The following PPIG variants were observed in gnomAD, a reference collection of about 807,000 sequenced individuals.
PPIG encodes peptidyl-prolyl cis-trans isomerase G.
A neutral mutation model predicts 87.9 loss-of-function variants in PPIG; 26 were observed. The observed-to-expected ratio is 0.30, with a 90% CI of 0.22 to 0.41. PPIG has a LOEUF of 0.41. Among genes scored for constraint, PPIG ranks in the 10% least tolerant of loss-of-function variants. The pLI is 1.00. For missense variants in PPIG, 722 were observed against 879.4 expected (o/e 0.82, Z 2.26); for synonymous variants, 308 against 276.5 (o/e 1.11, Z -1.13).
rs370807205 is a variant in PPIG, at chr2:169,595,929, C to T, written c.-69-7713C>T. Reference sequence around the variant, plus strand: ...AGCGATTCTCCTGCCTCAGCCTTCCCGAGTAGCTGGGATTACAGGCGTGTG... The same window carrying T: ...AGCGATTCTCCTGCCTCAGCCTTCCTGAGTAGCTGGGATTACAGGCGTGTG... On this transcript the variant is annotated intron_variant, in intron 1 of 13. Transcript: ENST00000260970. Among the ~76,000 whole-genome samples, 49 of 149,210 alleles carry T rather than the reference C, an allele frequency of 3.3e-4. 1 individual carries two copies. In the South Asian group the frequency reaches 9.0e-3, roughly 27 times the overall value.
intron 1 of PPIG, among the ~76,000 whole-genome samples, chr2:169,596,722 C>T (rs572955818): frequency 1.3e-5 from 2 of 152,068 alleles, no homozygotes; most frequent in East Asian, 1.9e-4. Flanking sequence ...TTTTCTGAGA[C>T]GGAGTCTTAC....
chr2:169,587,336 G>T (rs1684731929), intron 1 of PPIG, among the ~76,000 whole-genome samples: 1 of 151,950 alleles, frequency 6.6e-6, no homozygotes, highest in Non-Finnish European at 1.5e-5. Context: ...CCGCCTCCCG[G>T]GTTCAAGCAA....
chr2:169,604,793 G>T (rs1253418055), intron 4 of PPIG, among the ~76,000 whole-genome samples: 2 of 151,728 alleles, frequency 1.3e-5, no homozygotes, highest in Non-Finnish European at 2.9e-5. Context: ...AGAATCACTT[G>T]AACCCGAGAG....
chr2:169,609,869 G>A (rs1249369860), intron 7 of PPIG, among the ~76,000 whole-genome samples: 1 of 152,174 alleles, frequency 6.6e-6, no homozygotes, highest in African/African-American at 2.4e-5. Context: ...TGTTTACAGA[G>A]TATTTCTCCG....
Position 169,636,242 on chromosome 2 carries a change from A to T in PPIG, c.1154+14A>T, listed in dbSNP as rs747878695. 2 of 1,577,076 alleles carry T rather than the reference A, an allele frequency of 1.3e-6. No individual in the cohort carries two copies. Among genetic ancestry groups the T allele is most frequent in the African/African-American group, 2.7e-5 (2 of 72,926 alleles). On this transcript the variant is annotated intron_variant, in intron 13 of 13. Transcript: ENST00000260970. Reference sequence around the variant, plus strand: ...CAAGGGGGATAAGTAAGATTTAACTATTATTATTTCAAATGTAATGATAAG... The same window carrying T: ...CAAGGGGGATAAGTAAGATTTAACTTTTATTATTTCAAATGTAATGATAAG...
intron 9 of PPIG, among the ~76,000 whole-genome samples, chr2:169,628,387 A>G (rs1197746734): frequency 1.3e-5 from 2 of 152,242 alleles, no homozygotes; most frequent in South Asian, 2.1e-4. Context: ...AAGTGCAGCA[A>G]CATCTCATCA....
At chr2:169,604,346 T>A in intron 4 of PPIG, 85 bp downstream of exon 4, 1 of 1,187,700 alleles carries the variant, frequency 8.4e-7, no homozygotes, top group Non-Finnish European at 1.2e-6. Flanking sequence ...TTTTTTTTTT[T>A]TTTTTTTTTG....
chr2:169,607,172 A>G, intron 6 of PPIG, 24 bp downstream of exon 6: 2 of 1,362,524 alleles, frequency 1.5e-6, no homozygotes, highest in Non-Finnish European at 2.1e-6. Context: ...CATTTATATT[A>G]TGTTTTAAAT....
intron 12 of PPIG, among the ~76,000 whole-genome samples, chr2:169,634,295 C>T (rs960279687): frequency 3.3e-5 from 5 of 152,016 alleles, no homozygotes; most frequent in African/African-American, 1.2e-4. Flanking sequence ...CTCCTGAGCT[C>T]AAGCGATCTG....
intron 9 of PPIG, among the ~76,000 whole-genome samples, chr2:169,624,489 T>C (rs544119221): frequency 1.7e-4 from 26 of 152,310 alleles, no homozygotes; most frequent in African/African-American, 6.3e-4. Context: ...TGCATTGTGG[T>C]TTTTGCTTTT....
chr2:169,595,443 T>C (rs770626223), intron 1 of PPIG, among the ~76,000 whole-genome samples: 4 of 152,232 alleles, frequency 2.6e-5, no homozygotes, highest in Middle Eastern at 3.2e-3. Context: ...TTTTTAAATA[T>C]ACAATTAAAT....
At chr2:169,628,939 CAAAAAAAA>C (rs71006010) in intron 9 of PPIG, among the ~76,000 whole-genome samples, 63 of 92,320 alleles carry the variant, frequency 6.8e-4, no homozygotes, top group African/African-American at 2.2e-3. Flanking sequence ...ACCCTGTCTC[CAAAAAAAA>C]AAAAAAAAAA....
In PPIG at chr2:169,636,928, G is replaced by C; in HGVS notation, c.1670G>C (p.Ser557Thr). ...TGTGATATAACTAAAGGTAAACACA[G>C]TTATAATAGCAGAACAAGAGAACGA... ...RECDITKGKH[S>T]YNSRTRERSR... Residue 557 changes from serine to threonine, a missense_variant, in exon 14 of 14, where the codon AGT becomes ACT. This residue lies in a region of PPIG where 476 missense variants were observed against 483.1 expected (regional missense o/e 0.99). Coordinates refer to ENST00000260970, the MANE Select transcript of PPIG (RefSeq NM_004792.3). 6.2e-7 allele frequency: 1 copy of C among 1,613,946 alleles called. No homozygotes were observed. The highest frequency in any genetic ancestry group is 8.5e-7 in the Non-Finnish European group (1 of 1,179,968).
At position 169,604,010 on chromosome 2, in the gene PPIG, T is replaced by G; in HGVS notation, c.-16-16T>G. ...CTATTTTAGTCTGCTTGTCTGAAAC[T>G]GTATTTTACTCACAGATTAAGTATT... On this transcript the variant is annotated splice_polypyrimidine_tract_variant and intron_variant, in intron 2 of 13. Transcript: ENST00000260970. The G allele has an allele frequency of 6.3e-7, 1 of 1,599,376 alleles. No homozygotes were observed. Among genetic ancestry groups the G allele is most frequent in the Non-Finnish European group, 8.6e-7 (1 of 1,169,218 alleles).
intron 1 of PPIG, among the ~76,000 whole-genome samples, chr2:169,597,531 C>G (rs1685052694): frequency 6.8e-6 from 1 of 147,264 alleles, no homozygotes; most frequent in Non-Finnish European, 1.5e-5. Context: ...CAGAGTCTCA[C>G]TCTGTCACCC....
chr2:169,618,117 GT>G (rs1320652168), intron 9 of PPIG, among the ~76,000 whole-genome samples: 1 of 152,144 alleles, frequency 6.6e-6, no homozygotes, highest in African/African-American at 2.4e-5. Flanking sequence ...TAATTGTGTG[GT>G]TTTTGTCACT....
chr2:169,606,408 A>G (rs762755443), intron 5 of PPIG, among the ~76,000 whole-genome samples: 20 of 152,042 alleles, frequency 1.3e-4, no homozygotes, highest in Admixed American at 1.3e-4. Flanking sequence ...CCTGGCCAAC[A>G]TGGTGAAACC....
At chr2:169,598,583 G>T (rs949438397) in intron 1 of PPIG, among the ~76,000 whole-genome samples, 1 of 151,978 alleles carries the variant, frequency 6.6e-6, no homozygotes, top group East Asian at 1.9e-4. Flanking sequence ...GAGCCACCGC[G>T]CCTGGCTTAT....
At position 169,584,413 on chromosome 2, in the gene PPIG, G is replaced by T. The variant is rs1487257312; in HGVS notation, c.-147G>T. The T allele has an allele frequency of 2.1e-6, 1 of 471,162 alleles. No individual in the cohort carries two copies. The highest frequency in any genetic ancestry group is 4.4e-6 in the Non-Finnish European group (1 of 227,050). The allele number at this position is 471,162 out of a possible 1,614,324, so 29.2% of individuals were successfully genotyped here. A position where few individuals can be genotyped will look rare whatever the true frequency, so the allele number is the denominator to read the frequency against. On this transcript the variant is annotated 5_prime_UTR_variant, in exon 1 of 14. Coordinates refer to ENST00000260970, the MANE Select transcript of PPIG (RefSeq NM_004792.3). ...GGAGGGAGGCGGTTAGCGGGCTTTAGCGCCTTTTCTGGCGGCGGTAGATTT... is the reference window on the plus strand; with the variant it reads ...GGAGGGAGGCGGTTAGCGGGCTTTATCGCCTTTTCTGGCGGCGGTAGATTT...
Sources: gnomAD v4.1 joint callset for allele counts (sites outside exome capture counted in the v4.1 genomes callset) on GRCh38, gnomAD v4.1.1 for gene constraint, gnomAD v4.1.1 regional missense constraint, MANE v1.5 for transcripts, NCBI Gene and HGNC (gene_info 2026-07-23, HGNC 2026-07-21) for gene names.